The following KHDRBS2 variants were observed in gnomAD, a reference collection of about 807,000 sequenced individuals.
KHDRBS2 encodes the protein KH RNA binding domain containing, signal transduction associated 2.
Under a neutral mutation model 44.3 loss-of-function variants are expected in KHDRBS2, and 26 were observed. That is an observed-to-expected ratio of 0.59 (90% CI 0.43 to 0.81). KHDRBS2 has a LOEUF of 0.81. KHDRBS2 is among the 40% of genes least tolerant of loss of function. KHDRBS2 has a pLI of 0.00. For synonymous variants in KHDRBS2, 194 were observed against 151.1 expected (o/e 1.28, Z -2.08); for missense variants, 476 against 433.1 (o/e 1.10, Z -0.88).
chr6:61,869,429 A>T (rs1798266989), intron 6 of KHDRBS2, among the ~76,000 whole-genome samples: 1 of 152,214 alleles, frequency 6.6e-6, no homozygotes, highest in Admixed American at 6.5e-5. Flanking sequence ...ATTTTAGGTA[A>T]ATAAAAACTG....
chr6:61,613,613 TC>T, the KHDRBS2 span, among the ~76,000 whole-genome samples: 1 of 151,158 alleles, frequency 6.6e-6, no homozygotes, highest in African/African-American at 2.4e-5. Context: ...GTCATTACAA[TC>T]TTGCTTTATT....
At chr6:61,544,847 G>T in the KHDRBS2 span, among the ~76,000 whole-genome samples, 3,713 of 152,090 alleles carry the variant, frequency 0.024, 71 homozygotes, top group Middle Eastern at 0.085. Flanking sequence ...ACCAAACACC[G>T]CATGTTCTCA....
intron 2 of KHDRBS2, among the ~76,000 whole-genome samples, chr6:62,103,070 T>G (rs376740551): frequency 1.3e-5 from 2 of 152,040 alleles, no homozygotes; most frequent in African/African-American, 2.4e-5. Flanking sequence ...TGCTGATTGG[T>G]CCATGGACAG....
chr6:61,631,194 G>T, the KHDRBS2 span, among the ~76,000 whole-genome samples: 1 of 150,680 alleles, frequency 6.6e-6, no homozygotes, highest in Admixed American at 6.7e-5. Flanking sequence ...AACAGTTTAT[G>T]AGCACTGCTT....
intron 2 of KHDRBS2, among the ~76,000 whole-genome samples, chr6:62,134,271 G>C (rs2150092464): frequency 6.6e-6 from 1 of 152,300 alleles, no homozygotes; most frequent in Admixed American, 6.5e-5. Flanking sequence ...AAGAGGCCAA[G>C]GTACAGCTTG....
chr6:61,598,072 T>C, the KHDRBS2 span, among the ~76,000 whole-genome samples: 1 of 150,348 alleles, frequency 6.7e-6, no homozygotes, highest in Admixed American at 6.7e-5. Context: ...GGGAGCAGTG[T>C]CTCCCCCACC....
chr6:61,726,867 A>G (rs1440534607), intron 7 of KHDRBS2, among the ~76,000 whole-genome samples: 1 of 152,200 alleles, frequency 6.6e-6, no homozygotes, highest in Non-Finnish European at 1.5e-5. Context: ...TATAGATTCA[A>G]TACTATTCCC....
chr6:62,199,112 C>G (rs1826337515), intron 1 of KHDRBS2, among the ~76,000 whole-genome samples: 1 of 152,124 alleles, frequency 6.6e-6, no homozygotes, highest in Non-Finnish European at 1.5e-5. Flanking sequence ...CTGTCTATGA[C>G]AGACCCACAA....
At position 62,124,586 on chromosome 6, in the gene KHDRBS2, T is replaced by TACACACACACACACAC. The variant is rs57845781; in HGVS notation, c.219+52583_219+52598dup. On this transcript the variant is annotated intron_variant, in intron 2 of 8. Coordinates refer to ENST00000281156, the MANE Select transcript of KHDRBS2 (RefSeq NM_152688.4). Reference sequence around the variant, plus strand: ...TCATGAAACCTTTTCTGAACTATACTACACACACACACACACACACACACA... The same window carrying TACACACACACACACAC: ...TCATGAAACCTTTTCTGAACTATACTACACACACACACACACACACACACACACACACACACACACA... 4.8e-3 allele frequency among the ~76,000 whole-genome samples: 701 copies of TACACACACACACACAC among 145,080 alleles called. 3 individuals carry two copies. The highest frequency in any genetic ancestry group is 8.7e-3 in the African/African-American group (342 of 39,340).
At chr6:61,779,384 G>T (rs1562162097) in intron 6 of KHDRBS2, among the ~76,000 whole-genome samples, 2 of 152,208 alleles carry the variant, frequency 1.3e-5, no homozygotes. Context: ...TAGTAATAAT[G>T]TAAGGATGAA....
At chr6:61,836,516 T>C (rs1468959357) in intron 6 of KHDRBS2, among the ~76,000 whole-genome samples, 3 of 152,060 alleles carry the variant, frequency 2.0e-5, no homozygotes, top group Non-Finnish European at 2.9e-5. Context: ...GTGGGACACA[T>C]TTTTAATGCT....
chr6:62,134,411 G>C (rs1562937051), intron 2 of KHDRBS2, among the ~76,000 whole-genome samples: 1 of 152,142 alleles, frequency 6.6e-6, no homozygotes, highest in Non-Finnish European at 1.5e-5. Flanking sequence ...GAAATGCCTG[G>C]GTATCCAGGC....
At chr6:61,665,982 T>C in the KHDRBS2 span, among the ~76,000 whole-genome samples, 1 of 150,978 alleles carries the variant, frequency 6.6e-6, no homozygotes, top group Non-Finnish European at 1.5e-5. Context: ...TATTTTGATG[T>C]TGCTTATGAT....
chr6:61,892,434 G>A (rs999056034), intron 6 of KHDRBS2, among the ~76,000 whole-genome samples: 6 of 152,098 alleles, frequency 3.9e-5, no homozygotes, highest in Admixed American at 6.5e-5. Context: ...AAAAGAGCCT[G>A]CATTGCCAAG....
chr6:62,194,926 T>G (rs1825374053), intron 1 of KHDRBS2, among the ~76,000 whole-genome samples: 1 of 152,166 alleles, frequency 6.6e-6, no homozygotes. Flanking sequence ...GTCCCTTGGA[T>G]TTCCATATGA....
the KHDRBS2 span, among the ~76,000 whole-genome samples, chr6:61,569,981 C>A: frequency 6.6e-6 from 1 of 152,020 alleles, no homozygotes; most frequent in East Asian, 1.9e-4. Flanking sequence ...TGATAAGGAA[C>A]TAGAAAAGTA....
intron 4 of KHDRBS2, among the ~76,000 whole-genome samples, chr6:61,967,253 TAAAAG>T (rs1288410931): frequency 1.4e-5 from 2 of 146,630 alleles, no homozygotes; most frequent in Admixed American, 1.4e-4. Flanking sequence ...ATTTCAGACT[TAAAAG>T]AAATAAAACA....
intron 3 of KHDRBS2, among the ~76,000 whole-genome samples, chr6:62,018,174 G>GA (rs1781566102): frequency 6.8e-6 from 1 of 148,098 alleles, no homozygotes; most frequent in Admixed American, 6.8e-5. Flanking sequence ...ACGGAGTCTT[G>GA]CTCCGTCTCA....
At chr6:61,993,572 G>A (rs1180961406) in intron 3 of KHDRBS2, among the ~76,000 whole-genome samples, 2 of 148,180 alleles carry the variant, frequency 1.3e-5, no homozygotes, top group Non-Finnish European at 3.0e-5. Context: ...GCAGTCAACA[G>A]TAATTAACAT....
Sources: allele counts gnomAD v4.1 joint callset (sites outside exome capture counted in the v4.1 genomes callset), GRCh38; gene constraint gnomAD v4.1.1; transcripts MANE v1.5; gene names NCBI Gene and HGNC (gene_info 2026-07-23, HGNC 2026-07-21).